TRIM35: variants seen among roughly 807,000 people sequenced by gnomAD.
TRIM35 encodes the protein E3 ubiquitin-protein ligase TRIM35.
A neutral mutation model predicts 49.1 loss-of-function variants in TRIM35; 37 were observed. The ratio of observed to expected loss-of-function variants is 0.75; its 90% CI spans 0.58 to 0.99. The LOEUF (loss-of-function observed/expected upper bound fraction) is 0.99, where lower values mean the gene tolerates loss of function less well. Among genes scored for constraint, TRIM35 ranks in the 50% least tolerant of loss-of-function variants. The pLI is 0.00. For synonymous variants in TRIM35, 302 were observed against 289.3 expected, an observed-to-expected ratio of 1.04 and a Z score of -0.45; for missense variants, 648 against 702.7, an observed-to-expected ratio of 0.92 and a Z score of 0.88.
At chr8:27,304,304 T>C (rs1046398372) in intron 1 of TRIM35, among the ~76,000 whole-genome samples, 6 of 152,250 alleles carry the variant, frequency 3.9e-5, no homozygotes, top group African/African-American at 1.4e-4. Context: ...TAGAGTTGCA[T>C]GTGAAACCAG....
At chr8:27,298,660 A>T in intron 1 of TRIM35, 101 bp from the exon 2 acceptor site, 1 of 931,796 alleles carries the variant, frequency 1.1e-6, no homozygotes, top group Admixed American at 2.0e-5. Flanking sequence ...CCACTTCAAC[A>T]CAAGTGTAAC....
Position 27,311,044 on chromosome 8 carries a change from C to G in TRIM35, c.192G>C (p.Ala64=), listed in dbSNP as rs142139999. 3.1e-6 allele frequency: 5 copies of G among 1,599,864 alleles called. No homozygotes were observed. In the East Asian group the frequency reaches 9.1e-5, roughly 29 times the overall value. Residue 64 remains alanine, a synonymous_variant, in exon 1 of 6, where the codon GCG becomes GCC. Coordinates refer to ENST00000305364, the MANE Select transcript of TRIM35 (RefSeq NM_171982.5). The part of the protein sequence containing the change: ...SPTCPVCKDR[A]SPADLRTNHT... ...GGTTGGTGCGCAGGTCGGCGGGTGACGCGCGGTCTTTGCACACTGGGCAGG... is the reference window on the plus strand; with the variant it reads ...GGTTGGTGCGCAGGTCGGCGGGTGAGGCGCGGTCTTTGCACACTGGGCAGG...
chr8:27,307,315 C>G (rs938669753), intron 1 of TRIM35, among the ~76,000 whole-genome samples: 3 of 152,028 alleles, frequency 2.0e-5, no homozygotes, highest in Admixed American at 2.0e-4. Context: ...CACTGCACAC[C>G]CCCACGCTGT....
At position 27,311,134 on chromosome 8, in the gene TRIM35, C is replaced by G; in HGVS notation, c.102G>C (p.Leu34=). The change falls in exon 1 of 6, where the codon CTG becomes CTC. Residue 34 remains leucine, a synonymous_variant. Coordinates refer to ENST00000305364, the MANE Select transcript of TRIM35 (RefSeq NM_171982.5). ...CYDPFRDAVT[L]RCGHNFCRGC... is the part of the protein sequence containing the mutation. The stretch of plus-strand genomic sequence containing the variant: ...CGCGGCAGAAGTTGTGGCCGCAGCG[C>G]AGAGTGACTGCGTCGCGGAAGGGGT... 2.5e-6 allele frequency: 4 copies of G among 1,603,350 alleles called. 1 individual carries two copies. Among genetic ancestry groups the G allele is most frequent in the Non-Finnish European group, 3.4e-6 (4 of 1,176,202 alleles).
intron 1 of TRIM35, among the ~76,000 whole-genome samples, chr8:27,310,093 G>A (rs1181261732): frequency 2.6e-5 from 4 of 152,156 alleles, no homozygotes; most frequent in African/African-American, 9.7e-5. Flanking sequence ...AAGGGAAAAT[G>A]CATTGCTTCC....
chr8:27,292,242 G>A (rs760805476), intron 3 of TRIM35, among the ~76,000 whole-genome samples: 1 of 152,198 alleles, frequency 6.6e-6, no homozygotes, highest in Non-Finnish European at 1.5e-5. Flanking sequence ...GTTGCCTACA[G>A]TATTCAGTGC....
rs1269853646 is a variant in TRIM35 at position 27,287,620 on chromosome 8, C to T, written c.1412G>A (p.Gly471Asp). The T allele has an allele frequency of 1.9e-6, 3 of 1,607,144 alleles. No individual in the cohort carries two copies. The highest frequency in any genetic ancestry group is 2.5e-6 in the Non-Finnish European group (3 of 1,176,810). Residue 471 changes from glycine to aspartate, a missense_variant, in exon 6 of 6, where the codon GGC becomes GAC. Coordinates refer to ENST00000305364, the MANE Select transcript of TRIM35 (RefSeq NM_171982.5). This position sits in a 1 kb window ranked among gnomAD's most constrained non-coding sequence, Gnocchi z 6.0. ...GCGCAAAGGCTCTGGAGGCCCGGCG[C>T]CCCGTGCACCCCCCAGGTAGAAGTA... ...RPYFYLGGAR[G>D]AGPPEPLRIC...
intron 1 of TRIM35, among the ~76,000 whole-genome samples, chr8:27,307,597 C>G (rs939836814): frequency 6.6e-6 from 1 of 152,188 alleles, no homozygotes; most frequent in Non-Finnish European, 1.5e-5. Flanking sequence ...TGGCACACAA[C>G]CAGTACCTTC....
chr8:27,303,326 T>C (rs1388705002), intron 1 of TRIM35, among the ~76,000 whole-genome samples: 16 of 152,338 alleles, frequency 1.1e-4, no homozygotes, highest in Non-Finnish European at 4.4e-5. Flanking sequence ...GCTTATTCTA[T>C]TTTTCTTTTT....
rs145878696 is a variant in TRIM35 at position 27,304,365 on chromosome 8, T to C, written c.436-5806A>G. Among the ~76,000 whole-genome samples, 392 of 152,356 alleles carry C rather than the reference T, an allele frequency of 2.6e-3. 4 individuals are homozygous for C. Among genetic ancestry groups the C allele is most frequent in the African/African-American group, 7.8e-3 (326 of 41,574 alleles). On this transcript the variant is annotated intron_variant, in intron 1 of 5. Coordinates refer to ENST00000305364, the MANE Select transcript of TRIM35 (RefSeq NM_171982.5). ...CTGTCTTGTGAGACTTGATACACACTGTTGCTCTGCCTGGTTCCCACCTGC... is the reference window on the plus strand; with the variant it reads ...CTGTCTTGTGAGACTTGATACACACCGTTGCTCTGCCTGGTTCCCACCTGC...
At chr8:27,288,669 T>C (rs1337603417) in intron 5 of TRIM35, among the ~76,000 whole-genome samples, 1 of 152,148 alleles carries the variant, frequency 6.6e-6, no homozygotes, top group Non-Finnish European at 1.5e-5. Context: ...TTCTAGTTTG[T>C]GGTCCTTCGT....
At chr8:27,303,905 G>A (rs1254640372) in intron 1 of TRIM35, among the ~76,000 whole-genome samples, 4 of 152,170 alleles carry the variant, frequency 2.6e-5, no homozygotes, top group Non-Finnish European at 5.9e-5. Context: ...TGTTGGCCAG[G>A]CTGGTCTTGA....
intron 5 of TRIM35, among the ~76,000 whole-genome samples, chr8:27,288,736 G>T (rs562628031): frequency 1.3e-5 from 2 of 152,288 alleles, no homozygotes; most frequent in African/African-American, 2.4e-5. Context: ...CACGACCAAG[G>T]GATGTTAGGA....
chr8:27,306,597 T>G (rs1291625775), intron 1 of TRIM35, among the ~76,000 whole-genome samples: 1 of 152,226 alleles, frequency 6.6e-6, no homozygotes, highest in Non-Finnish European at 1.5e-5. Flanking sequence ...GTGCTGGGAT[T>G]ACAGGCATGA....
At chr8:27,300,585 T>C (rs1802662927) in intron 1 of TRIM35, among the ~76,000 whole-genome samples, 1 of 152,072 alleles carries the variant, frequency 6.6e-6, no homozygotes, top group African/African-American at 2.4e-5. Context: ...AACTAGCCCA[T>C]TTGTCCCACT....
At chr8:27,289,080 G>T in intron 5 of TRIM35, 82 bp downstream of exon 5, 2 of 1,156,114 alleles carry the variant, frequency 1.7e-6, no homozygotes, top group East Asian at 2.5e-5. Flanking sequence ...GGTGGGCCCG[G>T]CAGAGACCAG....
chr8:27,306,982 CTATT>C (rs1802799151), intron 1 of TRIM35, among the ~76,000 whole-genome samples: 1 of 152,294 alleles, frequency 6.6e-6, no homozygotes, highest in East Asian at 1.9e-4. Context: ...TGAGCAAGTG[CTATT>C]TATACCAGGT....
chr8:27,303,754 C>T (rs758028275), intron 1 of TRIM35, among the ~76,000 whole-genome samples: 1 of 152,160 alleles, frequency 6.6e-6, no homozygotes, highest in East Asian at 1.9e-4. Context: ...AGTGCAGTGG[C>T]GCAATCTCGG....
At chr8:27,295,228 G>A (rs1035100390) in intron 2 of TRIM35, among the ~76,000 whole-genome samples, 1 of 152,206 alleles carries the variant, frequency 6.6e-6, no homozygotes, top group Non-Finnish European at 1.5e-5. Flanking sequence ...CCTCGGCACA[G>A]TATGAAACTG....
Sources: gnomAD v4.1 joint callset for allele counts (sites outside exome capture counted in the v4.1 genomes callset) on GRCh38, gnomAD v4.1.1 for gene constraint, Gnocchi (gnomAD v3.1) non-coding constraint, MANE v1.5 for transcripts, NCBI Gene and HGNC (gene_info 2026-07-23, HGNC 2026-07-21) for gene names.